The following GRM5 variants were observed in gnomAD, a reference collection of about 807,000 sequenced individuals.
GRM5 encodes glutamate metabotropic receptor 5.
A neutral mutation model predicts 83.1 loss-of-function variants in GRM5; 19 were observed. That is an observed-to-expected ratio of 0.23 (90% CI 0.16 to 0.34). GRM5 has a LOEUF of 0.34. GRM5 is among the 10% of genes least tolerant of loss of function. The probability of loss-of-function intolerance (pLI) is 1.00; values close to 1 mark genes in which losing one functional copy is unlikely to be tolerated. For synonymous variants in GRM5, 675 were observed against 633.6 expected (o/e 1.07, Z -0.98); for missense variants, 1,160 against 1,588.3 (o/e 0.73, Z 4.58).
intron 2 of GRM5, among the ~76,000 whole-genome samples, chr11:88,966,257 G>A (rs1413157395): frequency 6.6e-6 from 1 of 151,974 alleles, no homozygotes; most frequent in Non-Finnish European, 1.5e-5. Context: ...GAATGCTATA[G>A]CATTAAATGC....
chr11:89,059,221 A>G (rs1422195760), intron 1 of GRM5, among the ~76,000 whole-genome samples: 1 of 152,172 alleles, frequency 6.6e-6, no homozygotes, highest in Admixed American at 6.5e-5. Context: ...TTGCAAGACC[A>G]ATAGAATAAT....
intron 2 of GRM5, among the ~76,000 whole-genome samples, chr11:88,904,549 C>T (rs1315309580): frequency 6.6e-6 from 1 of 152,122 alleles, no homozygotes; most frequent in African/African-American, 2.4e-5. Context: ...TTCTTTTAAA[C>T]ACTGGAAATA....
intron 8 of GRM5, among the ~76,000 whole-genome samples, chr11:88,564,644 A>G (rs969067488): frequency 1.3e-5 from 2 of 152,172 alleles, no homozygotes; most frequent in Non-Finnish European, 2.9e-5. Flanking sequence ...CTACCACATT[A>G]ATACCATCCC....
chr11:88,703,053 G>A (rs1269439440), intron 3 of GRM5, among the ~76,000 whole-genome samples: 1 of 150,740 alleles, frequency 6.6e-6, no homozygotes, highest in Non-Finnish European at 1.5e-5. Context: ...TATCTTGTTT[G>A]ACTTAATTAG....
chr11:88,899,355 T>C (rs781309535), intron 2 of GRM5, among the ~76,000 whole-genome samples: 4 of 151,848 alleles, frequency 2.6e-5, no homozygotes, highest in Non-Finnish European at 4.4e-5. Flanking sequence ...AGGAGAGTAA[T>C]ATAACCATTT....
intron 2 of GRM5, among the ~76,000 whole-genome samples, chr11:89,037,928 G>A (rs1565346436): frequency 1.3e-5 from 2 of 151,964 alleles, no homozygotes; most frequent in Non-Finnish European, 2.9e-5. Context: ...GTAACCCACA[G>A]GCTATTTATG....
At chr11:88,511,647 A>G (rs1941372240) in intron 9 of GRM5, 1 of 152,222 alleles carries the variant, frequency 6.6e-6, no homozygotes, top group Non-Finnish European at 1.5e-5. Context: ...ATAGTAGCAG[A>G]GGGGGCACTG....
In GRM5 at chr11:89,044,850, G is replaced by GA. The variant is rs200457790; in HGVS notation, c.661+2361dup. ...ACTTTCTGAAAAACCAAGTGGGGAG[G>GA]AAAAAAAAAAAAAAGCATGACCTTA... On this transcript the variant is annotated intron_variant, in intron 2 of 9. Transcript: ENST00000305447. Among the ~76,000 whole-genome samples, 270 of 130,760 alleles carry GA rather than the reference G, an allele frequency of 2.1e-3. 4 individuals carry two copies. Among genetic ancestry groups the GA allele is most frequent in the East Asian group, 0.02 (88 of 4,504 alleles). The allele number at this position is 130,760 out of a possible 152,430, so 85.8% of individuals were successfully genotyped here. A position where few individuals can be genotyped will look rare whatever the true frequency, so the allele number is the denominator to read the frequency against.
intron 3 of GRM5, among the ~76,000 whole-genome samples, chr11:88,849,629 T>C (rs919237555): frequency 1.3e-5 from 2 of 152,190 alleles, no homozygotes; most frequent in Admixed American, 1.3e-4. Flanking sequence ...TACTCAAGCA[T>C]ATAAAAATCC....
chr11:88,826,325 A>G (rs1943893924), intron 3 of GRM5, among the ~76,000 whole-genome samples: 1 of 152,064 alleles, frequency 6.6e-6, no homozygotes, highest in East Asian at 1.9e-4. Context: ...AATATTTAGT[A>G]CATATTTGCT....
chr11:88,513,255 G>T (rs551814117), intron 9 of GRM5, among the ~76,000 whole-genome samples: 2 of 152,114 alleles, frequency 1.3e-5, no homozygotes, highest in Admixed American at 6.6e-5. Flanking sequence ...CACAGATGGA[G>T]GGTTTGCTCT....
rs374707787 is a variant in GRM5 at position 88,509,261 on chromosome 11, G to C, written c.2970C>G (p.Pro990=). ...CCTTGGGGCCGGCGTCTGGGGACTC[G>C]GGCCCGCCTGGGCCGGCGCCTGCGC... ...AGCAGAGPGG[P]ESPDAGPKAL... is the part of the protein sequence containing the mutation. Residue 990 remains proline, a synonymous_variant, in exon 10 of 10, where the codon CCC becomes CCG. Coordinates refer to ENST00000305447, the MANE Select transcript of GRM5 (RefSeq NM_001143831.3). 1.5e-4 allele frequency: 218 copies of C among 1,472,598 alleles called. 2 individuals carry two copies. The highest frequency in any genetic ancestry group is 7.8e-4 in the East Asian group (26 of 33,284). The allele number at this position is 1,472,598 out of a possible 1,614,324, so 91.2% of individuals were successfully genotyped here. A position where few individuals can be genotyped will look rare whatever the true frequency, so the allele number is the denominator to read the frequency against.
chr11:89,002,820 C>G (rs952880467), intron 2 of GRM5, among the ~76,000 whole-genome samples: 17 of 152,152 alleles, frequency 1.1e-4, no homozygotes, highest in African/African-American at 3.6e-4. Flanking sequence ...GCTTCCCCCC[C>G]AGAGAGCCAC....
intron 3 of GRM5, among the ~76,000 whole-genome samples, chr11:88,665,388 C>G (rs529052417): frequency 8.1e-4 from 124 of 152,244 alleles, no homozygotes; most frequent in African/African-American, 2.8e-3. Context: ...GATTTCTGTA[C>G]ATAAACACAG....
chr11:88,671,158 A>T (rs11020881), intron 3 of GRM5, among the ~76,000 whole-genome samples: 3 of 151,564 alleles, frequency 2.0e-5, no homozygotes, highest in South Asian at 2.1e-4. Flanking sequence ...AACAAGAAAC[A>T]TTCCAAAATC....
intron 8 of GRM5, among the ~76,000 whole-genome samples, chr11:88,531,923 G>A (rs989773336): frequency 2.0e-5 from 3 of 151,920 alleles, no homozygotes; most frequent in East Asian, 1.9e-4. Flanking sequence ...ACTTAAACTC[G>A]TTTTCCATTC....
chr11:88,614,896 A>G (rs923946348), intron 4 of GRM5, among the ~76,000 whole-genome samples: 4 of 152,184 alleles, frequency 2.6e-5, no homozygotes, highest in African/African-American at 9.7e-5. Context: ...TATTCATTGG[A>G]AAGAAGAAAT....
intron 2 of GRM5, among the ~76,000 whole-genome samples, chr11:88,865,348 G>T (rs1352383900): frequency 1.3e-5 from 2 of 152,080 alleles, no homozygotes; most frequent in Non-Finnish European, 2.9e-5. Context: ...GGGAAAACTG[G>T]CTAGCCTTAT....
Position 88,567,034 on chromosome 11 carries a change from A to T in GRM5, c.2630+19T>A, listed in dbSNP as rs1427263757. 6.7e-7 allele frequency: 1 copy of T among 1,498,472 alleles called. No homozygotes were observed. Among genetic ancestry groups the T allele is most frequent in the Admixed American group, 1.8e-5 (1 of 54,970 alleles). The allele number at this position is 1,498,472 out of a possible 1,614,324, so 92.8% of individuals were successfully genotyped here. A position where few individuals can be genotyped will look rare whatever the true frequency, so the allele number is the denominator to read the frequency against. On this transcript the variant is annotated intron_variant, in intron 8 of 9. Coordinates refer to ENST00000305447, the MANE Select transcript of GRM5 (RefSeq NM_001143831.3). This position sits in a 1 kb window ranked among gnomAD's most constrained non-coding sequence, Gnocchi z 7.3. ...CAGTTTTAGGGGCCAGCATCCCTGTAAGCCCCCACAACTTTTACCTTAAGG... is the reference window on the plus strand; with the variant it reads ...CAGTTTTAGGGGCCAGCATCCCTGTTAGCCCCCACAACTTTTACCTTAAGG...
Sources: allele counts gnomAD v4.1 joint callset (sites outside exome capture counted in the v4.1 genomes callset), GRCh38; gene constraint gnomAD v4.1.1; non-coding constraint Gnocchi (gnomAD v3.1); transcripts MANE v1.5; gene names NCBI Gene and HGNC (gene_info 2026-07-23, HGNC 2026-07-21).